AKT3: variants seen among roughly 807,000 people sequenced by gnomAD.
AKT3 encodes RAC-gamma serine/threonine-protein kinase.
In AKT3, 15 loss-of-function variants were observed where a neutral mutation model predicts 65.3. The observed-to-expected ratio is 0.23, with a 90% CI of 0.15 to 0.35. The LOEUF is 0.35. AKT3 is among the 10% of genes least tolerant of loss of function. AKT3 has a pLI of 1.00. For missense variants in AKT3, 243 were observed against 576.5 expected (o/e 0.42, Z 5.92); for synonymous variants, 206 against 183.8 (o/e 1.12, Z -0.98).
intron 8 of AKT3, among the ~76,000 whole-genome samples, chr1:243,595,318 A>G (rs183939809): frequency 2.0e-5 from 3 of 152,324 alleles, no homozygotes; most frequent in East Asian, 3.9e-4. Flanking sequence ...TTATAATACC[A>G]TGAATGAAAC....
At chr1:243,731,632 A>C (rs1320937105) in intron 2 of AKT3, among the ~76,000 whole-genome samples, 1 of 152,178 alleles carries the variant, frequency 6.6e-6, no homozygotes, top group Non-Finnish European at 1.5e-5. Flanking sequence ...AAGGCACTAG[A>C]AGTGACGCAC....
chr1:243,534,495 C>T (rs550726640), intron 12 of AKT3, among the ~76,000 whole-genome samples: 1 of 152,292 alleles, frequency 6.6e-6, no homozygotes, highest in Admixed American at 6.5e-5. Context: ...CACCATCAAT[C>T]AACTGGATTT....
At chr1:243,731,698 T>G (rs1274022919) in intron 2 of AKT3, among the ~76,000 whole-genome samples, 25 of 152,224 alleles carry the variant, frequency 1.6e-4, no homozygotes, top group Admixed American at 1.6e-3. Flanking sequence ...TTTGTGCCTC[T>G]TTTTAGAGTC....
chr1:243,604,442 G>C (rs1677242783), intron 8 of AKT3, among the ~76,000 whole-genome samples: 2 of 152,146 alleles, frequency 1.3e-5, no homozygotes, highest in African/African-American at 4.8e-5. Context: ...TTCCTCTGCA[G>C]AACTCTATGC....
At chr1:243,687,972 C>T (rs1684443291) in intron 3 of AKT3, 1 of 151,982 alleles carries the variant, frequency 6.6e-6, no homozygotes, top group African/African-American at 2.4e-5. Flanking sequence ...CACCTGTTAA[C>T]AGATATAACT....
At chr1:243,843,755 G>A (rs777643961) in intron 1 of AKT3, among the ~76,000 whole-genome samples, 7 of 151,532 alleles carry the variant, frequency 4.6e-5, no homozygotes, top group Non-Finnish European at 8.8e-5. Context: ...AGGTTCAAGC[G>A]ATTCTTCTGC....
chr1:243,654,591 T>TTATA (rs1681622567), intron 4 of AKT3, among the ~76,000 whole-genome samples: 3 of 152,296 alleles, frequency 2.0e-5, no homozygotes, highest in Non-Finnish European at 2.9e-5. Flanking sequence ...GGTGCTGGGA[T>TTATA]TATAGGCATA....
Position 243,499,868 on chromosome 1 carries a change from C to T in AKT3, c.*5381G>A. ...TTTAGACTTAATATGCCACAACGCA[C>T]CACGACCTTCCCAGGGTGACACCGC... On this transcript the variant is annotated 3_prime_UTR_variant, in exon 14 of 14. Coordinates refer to ENST00000673466, the MANE Select transcript of AKT3 (RefSeq NM_005465.7). 2.2e-6 allele frequency: 3 copies of T among 1,334,338 alleles called. No individual in the cohort carries two copies. Among genetic ancestry groups the T allele is most frequent in the African/African-American group, 1.4e-5 (1 of 69,300 alleles). 82.7% of individuals were successfully genotyped at this position (1,334,338 alleles called of 1,614,324 possible). A position where few individuals can be genotyped will look rare whatever the true frequency, so the allele number is the denominator to read the frequency against.
At chr1:243,490,910 G>A (rs1372493004) in intron 13 of AKT3, among the ~76,000 whole-genome samples, 1 of 152,232 alleles carries the variant, frequency 6.6e-6, no homozygotes, top group Non-Finnish European at 1.5e-5. Flanking sequence ...CTTTAGGCCT[G>A]GCCAGCCAAA....
chr1:243,549,255 C>A (rs751493786), intron 11 of AKT3, among the ~76,000 whole-genome samples: 1 of 152,110 alleles, frequency 6.6e-6, no homozygotes, highest in African/African-American at 2.4e-5. Flanking sequence ...CAACATCTAG[C>A]CCCATCAAGC....
intron 8 of AKT3, among the ~76,000 whole-genome samples, chr1:243,577,934 A>C (rs554608543): frequency 3.3e-5 from 5 of 152,376 alleles, no homozygotes; most frequent in South Asian, 2.1e-4. Context: ...ACATGAAAAA[A>C]AGCTCAACAC....
At chr1:243,726,671 A>T (rs1687231508) in intron 2 of AKT3, among the ~76,000 whole-genome samples, 1 of 152,214 alleles carries the variant, frequency 6.6e-6, no homozygotes, top group Non-Finnish European at 1.5e-5. Flanking sequence ...GAGTTGTCAA[A>T]ATAACAGGAA....
chr1:243,660,582 T>C (rs1682229688), intron 4 of AKT3, among the ~76,000 whole-genome samples: 2 of 152,132 alleles, frequency 1.3e-5, no homozygotes, highest in Admixed American at 1.3e-4. Flanking sequence ...GAGCTATCTA[T>C]AACAAACCCA....
chr1:243,839,565 G>C (rs1695109552), intron 2 of AKT3, among the ~76,000 whole-genome samples: 1 of 152,158 alleles, frequency 6.6e-6, no homozygotes. Flanking sequence ...GTCCAGAAAA[G>C]TGTAAAAAAT....
intron 2 of AKT3, chr1:243,814,876 T>G (rs1310936957): frequency 6.6e-6 from 1 of 152,176 alleles, no homozygotes; most frequent in African/African-American, 2.4e-5. Flanking sequence ...CAAAGGACAA[T>G]TAGGAGGTGT....
chr1:243,829,724 GA>G, intron 2 of AKT3, among the ~76,000 whole-genome samples: 1 of 152,156 alleles, frequency 6.6e-6, no homozygotes, highest in South Asian at 2.1e-4. Flanking sequence ...TACGGTATAA[GA>G]AAGTAGAACC....
At chr1:243,594,563 C>T (rs916803270) in intron 8 of AKT3, among the ~76,000 whole-genome samples, 25 of 152,138 alleles carry the variant, frequency 1.6e-4, no homozygotes, top group African/African-American at 5.6e-4. Context: ...CAGAAACAGA[C>T]CCATATGTGT....
intron 12 of AKT3, among the ~76,000 whole-genome samples, chr1:243,522,268 T>G (rs1024983188): frequency 5.3e-5 from 8 of 152,194 alleles, no homozygotes; most frequent in Non-Finnish European, 1.0e-4. Flanking sequence ...CTTAGAAATA[T>G]TCAAGAACAT....
downstream of AKT3, among the ~76,000 whole-genome samples, chr1:243,495,251 C>T (rs1667512778): frequency 6.6e-6 from 1 of 152,230 alleles, no homozygotes; most frequent in Non-Finnish European, 1.5e-5. Flanking sequence ...GCGGGGCCGC[C>T]TCCCTCTCCC....
Sources: allele counts gnomAD v4.1 joint callset (sites outside exome capture counted in the v4.1 genomes callset), GRCh38; gene constraint gnomAD v4.1.1; transcripts MANE v1.5; gene names NCBI Gene and HGNC (gene_info 2026-07-23, HGNC 2026-07-21).